Variants in MCTP1 observed in about 807,000 individuals in gnomAD.
MCTP1 encodes multiple C2 and transmembrane domain-containing protein 1.
MCTP1 carries 69 observed loss-of-function variants against 120.6 expected under a neutral mutation model. The observed-to-expected ratio is 0.57, with a 90% CI of 0.47 to 0.70. The LOEUF (loss-of-function observed/expected upper bound fraction) is 0.70. MCTP1 is among the 30% of genes least tolerant of loss of function. MCTP1 has a pLI of 0.00. For missense variants in MCTP1, 1,203 were observed against 1,248.8 expected (o/e 0.96, Z 0.55); for synonymous variants, 529 against 493.1 (o/e 1.07, Z -0.96).
intron 5 of MCTP1, among the ~76,000 whole-genome samples, chr5:94,939,446 C>T (rs962791321): frequency 1.3e-5 from 2 of 152,000 alleles, no homozygotes; most frequent in South Asian, 2.1e-4. Flanking sequence ...CACTAGCAAG[C>T]GTACTGATGT....
At chr5:94,860,471 C>T (rs1795554278) in intron 17 of MCTP1, among the ~76,000 whole-genome samples, 1 of 151,628 alleles carries the variant, frequency 6.6e-6, no homozygotes, top group Non-Finnish European at 1.5e-5. Flanking sequence ...AGATAAAATT[C>T]TTCGATCTCT....
rs1753223083 is a variant in MCTP1, at chr5:95,217,934, A to AC, written c.720+65921dup. Among the ~76,000 whole-genome samples, 4 of 151,962 alleles carry AC rather than the reference A, an allele frequency of 2.6e-5. 1 individual carries two copies. In the South Asian group the frequency reaches 8.4e-4, roughly 32 times the overall value. The stretch of plus-strand genomic sequence containing the variant: ...TCCTGGACCTCTTATTATTAGATAT[A>AC]CCCCCCTGCCTCCCCAACTTCTCTG... On this transcript the variant is annotated intron_variant, in intron 1 of 22. Transcript: ENST00000515393.
intron 1 of MCTP1, among the ~76,000 whole-genome samples, chr5:95,136,721 A>G (rs1319300258): frequency 6.6e-6 from 1 of 152,242 alleles, no homozygotes; most frequent in Admixed American, 6.5e-5. Flanking sequence ...ACGGATGAAG[A>G]AACTGAGACA....
chr5:94,902,649 T>C (rs1010061889), intron 10 of MCTP1, among the ~76,000 whole-genome samples: 1 of 152,226 alleles, frequency 6.6e-6, no homozygotes, highest in Non-Finnish European at 1.5e-5. Context: ...ATATAATATA[T>C]GACTCTTTGA....
At chr5:95,276,546 TG>T (rs1562296512) in intron 1 of MCTP1, among the ~76,000 whole-genome samples, 1 of 148,708 alleles carries the variant, frequency 6.7e-6, no homozygotes, top group African/African-American at 2.5e-5. Flanking sequence ...CGTGAGCCAC[TG>T]CGCCCAGCCA....
intron 17 of MCTP1, chr5:94,826,555 C>T: frequency 1.4e-6 from 1 of 723,056 alleles, no homozygotes; most frequent in Non-Finnish European, 2.5e-6. Flanking sequence ...ATAGAAGCTT[C>T]CTCCTTCCCT....
chr5:95,101,467 T>C (rs1461188210), intron 1 of MCTP1, among the ~76,000 whole-genome samples: 2 of 152,204 alleles, frequency 1.3e-5, no homozygotes, highest in Non-Finnish European at 2.9e-5. Context: ...ACAATTTTCA[T>C]GTATTTACTT....
chr5:95,068,761 A>G lies in MCTP1; in HGVS notation c.721-51277T>C, dbSNP rs1304116630. 8 of 1,259,972 alleles carry G rather than the reference A, an allele frequency of 6.3e-6. No individual in the cohort carries two copies. The East Asian group carries it at 4.1e-4, about 64-fold the overall frequency. 78.0% of individuals were successfully genotyped at this position (1,259,972 alleles called of 1,614,324 possible). On this transcript the variant is annotated intron_variant, in intron 1 of 22. Coordinates refer to ENST00000515393, the MANE Select transcript of MCTP1 (RefSeq NM_024717.7). ...AAACACCGAGCTAACACACTTTGTCAGTCATTTCCACTTTGAAACTTACGT... is the reference window on the plus strand; with the variant it reads ...AAACACCGAGCTAACACACTTTGTCGGTCATTTCCACTTTGAAACTTACGT...
intron 19 of MCTP1, among the ~76,000 whole-genome samples, chr5:94,774,871 G>A (rs1774954307): frequency 6.6e-6 from 1 of 152,192 alleles, no homozygotes; most frequent in African/African-American, 2.4e-5. Flanking sequence ...TTATTTCATT[G>A]AATATAACTA....
At chr5:94,938,881 T>C (rs975986170) in intron 5 of MCTP1, among the ~76,000 whole-genome samples, 4 of 152,122 alleles carry the variant, frequency 2.6e-5, no homozygotes, top group Non-Finnish European at 4.4e-5. Flanking sequence ...CATTTCTAGA[T>C]ACTTTTTTGT....
intron 1 of MCTP1, among the ~76,000 whole-genome samples, chr5:95,099,381 A>G (rs918144535): frequency 4.0e-5 from 6 of 151,282 alleles, no homozygotes; most frequent in Admixed American, 6.6e-5. Flanking sequence ...CATCTGACAA[A>G]GGGCTAATAG....
At chr5:94,852,367 C>CTTA (rs936470359) in intron 17 of MCTP1, among the ~76,000 whole-genome samples, 1 of 151,718 alleles carries the variant, frequency 6.6e-6, no homozygotes, top group Non-Finnish European at 1.5e-5. Flanking sequence ...TTTTAAAGAC[C>CTTA]TTATTATTAT....
At chr5:94,776,026 A>G (rs575049121) in intron 19 of MCTP1, among the ~76,000 whole-genome samples, 56 of 150,324 alleles carry the variant, frequency 3.7e-4, no homozygotes, top group Admixed American at 9.3e-4. Flanking sequence ...CTAGGAATCC[A>G]GGTAAATCAT....
intron 18 of MCTP1, chr5:94,789,438 A>G (rs1778425102): frequency 1.3e-5 from 2 of 152,160 alleles, no homozygotes; most frequent in East Asian, 1.9e-4. Context: ...GGTAATACTC[A>G]TCTTCCACCA....
chr5:94,715,011 G>T lies in MCTP1; in HGVS notation c.2611-125C>A, dbSNP rs144881952. On this transcript the variant is annotated intron_variant, in intron 19 of 22. Coordinates refer to ENST00000515393, the MANE Select transcript of MCTP1 (RefSeq NM_024717.7). ...ACTTCATTTTCGTGTGGTTATAAAT[G>T]GATAATTGGAACCCATGAAAATATC... is the stretch of plus-strand genomic sequence containing the variant. The T allele has an allele frequency of 9.9e-4, 605 of 608,486 alleles. 2 individuals carry two copies. The highest frequency in any genetic ancestry group is 9.6e-3 in the African/African-American group (512 of 53,332). The allele number at this position is 608,486 out of a possible 1,614,324, so 37.7% of individuals were successfully genotyped here.
rs1352665000 is a variant in MCTP1 at position 94,961,851 on chromosome 5, G to T, written c.839-8490C>A. On this transcript the variant is annotated intron_variant, in intron 2 of 22. Transcript: ENST00000515393. ...TAGTCTATATGATTTAAAGAAAAAG[G>T]TGAGACTTGTCTATTCACCTCCTTA... Among the ~76,000 whole-genome samples the T allele has an allele frequency of 2.0e-5, 3 of 152,094 alleles. No individual in the cohort carries two copies. The South Asian group carries it at 6.2e-4, about 32-fold the overall frequency.
chr5:94,804,274 T>C (rs1028914846), intron 17 of MCTP1, among the ~76,000 whole-genome samples: 4 of 152,206 alleles, frequency 2.6e-5, no homozygotes, highest in African/African-American at 7.2e-5. Flanking sequence ...TTGATCATCA[T>C]AGGACCCTGT....
At chr5:95,067,460 A>G (rs1270550837) in intron 1 of MCTP1, among the ~76,000 whole-genome samples, 1 of 152,180 alleles carries the variant, frequency 6.6e-6, no homozygotes, top group Non-Finnish European at 1.5e-5. Context: ...TGATTTAGAA[A>G]TGAAAAAATT....
chr5:95,153,684 CAGTG>C (rs1744786198), intron 1 of MCTP1, among the ~76,000 whole-genome samples: 1 of 152,154 alleles, frequency 6.6e-6, no homozygotes, highest in Admixed American at 6.5e-5. Context: ...AGCTTAAAAG[CAGTG>C]AAAAATATGT....
Sources: allele counts gnomAD v4.1 joint callset (sites outside exome capture counted in the v4.1 genomes callset), GRCh38; gene constraint gnomAD v4.1.1; transcripts MANE v1.5; gene names NCBI Gene and HGNC (gene_info 2026-07-23, HGNC 2026-07-21).